Variants in FREM2 observed in about 807,000 individuals in gnomAD.
The protein encoded by FREM2 is FRAS1 related extracellular matrix 2.
FREM2 carries 119 observed loss-of-function variants against 219.9 expected under a neutral mutation model. The observed-to-expected ratio is 0.54, with a 90% CI of 0.47 to 0.63. The LOEUF (loss-of-function observed/expected upper bound fraction) is 0.63, where lower values mean the gene tolerates loss of function less well. Among genes scored for constraint, FREM2 ranks in the 30% least tolerant of loss-of-function variants. FREM2 has a pLI of 0.00. For synonymous variants in FREM2, 1,562 were observed against 1,522.8 expected (o/e 1.03, Z -0.60); for missense variants, 4,030 against 3,993.6 (o/e 1.01, Z -0.25).
intron 4 of FREM2, among the ~76,000 whole-genome samples, chr13:38,777,699 C>G (rs1873925725): frequency 6.6e-6 from 1 of 152,202 alleles, no homozygotes; most frequent in Non-Finnish European, 1.5e-5. Flanking sequence ...TCTATGCTTA[C>G]TTGAAGCAGC....
Position 38,881,013 on chromosome 13 carries a change from AC to A in FREM2, c.*227del, listed in dbSNP as rs546704381. On this transcript the variant is annotated 3_prime_UTR_variant, in exon 24 of 24. Transcript: ENST00000280481. Reference sequence around the variant, plus strand: ...CTTGCCCCAAAGGCAGCAACAACGTACTCATATGTACACAGAGCCATGATGT... The same window carrying A: ...CTTGCCCCAAAGGCAGCAACAACGTATCATATGTACACAGAGCCATGATGT... The A allele has an allele frequency of 4.2e-4, 255 of 605,458 alleles. No individual in the cohort carries two copies. In the African/African-American group the frequency reaches 4.3e-3, roughly 10 times the overall value. 37.5% of individuals were successfully genotyped at this position (605,458 alleles called of 1,614,324 possible). A position where few individuals can be genotyped will look rare whatever the true frequency, so the allele number is the denominator to read the frequency against.
intron 2 of FREM2, among the ~76,000 whole-genome samples, chr13:38,720,971 T>C (rs997179184): frequency 1.3e-5 from 2 of 152,082 alleles, no homozygotes; most frequent in African/African-American, 4.8e-5. Context: ...ATGAGTTTGA[T>C]GAAAAGAGAC....
At chr13:38,836,779 T>C (rs1467597886) in intron 6 of FREM2, among the ~76,000 whole-genome samples, 1 of 152,190 alleles carries the variant, frequency 6.6e-6, no homozygotes, top group Non-Finnish European at 1.5e-5. Context: ...TTCTGTGGGA[T>C]CAGTGGTGAT....
Position 38,690,553 on chromosome 13 carries a change from T to G in FREM2, c.3209T>G (p.Phe1070Cys). ...GTTGATAGCCAGGCCCCAGAAATCT[T>G]TGTAGGTGAACAGTTGATAGTAATG... ...LPVDSQAPEI[F>C]VGEQLIVMEG... Residue 1070 changes from phenylalanine to cysteine, a missense_variant, in exon 1 of 24, where the codon TTT (phenylalanine) becomes TGT (cysteine). Physicochemically the swap from Phe to Cys is radical, Grantham distance 205 (BLOSUM62 -2). Around this residue, in one of 2 missense-constraint regions of FREM2, gnomAD observed 3,102 missense variants for 2,950.7 expected, o/e 1.05. Coordinates refer to ENST00000280481, the MANE Select transcript of FREM2 (RefSeq NM_207361.6). 1.2e-6 allele frequency: 2 copies of G among 1,613,972 alleles called. No individual in the cohort carries two copies. Among genetic ancestry groups the G allele is most frequent in the Non-Finnish European group, 1.7e-6 (2 of 1,179,988 alleles).
intron 1 of FREM2, among the ~76,000 whole-genome samples, chr13:38,696,178 C>T (rs1870099707): frequency 6.6e-6 from 1 of 152,150 alleles, no homozygotes; most frequent in Non-Finnish European, 1.5e-5. Flanking sequence ...AATCAAGCGA[C>T]TTAGGCATGT....
chr13:38,849,505 C>CT (rs1254358996), intron 8 of FREM2, among the ~76,000 whole-genome samples: 3 of 152,206 alleles, frequency 2.0e-5, no homozygotes, highest in Non-Finnish European at 4.4e-5. Flanking sequence ...GCAGAGCTCT[C>CT]TGACACGTCA....
At chr13:38,733,211 C>G (rs532727982) in intron 2 of FREM2, among the ~76,000 whole-genome samples, 81 of 151,998 alleles carry the variant, frequency 5.3e-4, no homozygotes, top group African/African-American at 1.9e-3. Context: ...TTCTAAGAGG[C>G]ACTGAGGAGT....
intron 4 of FREM2, among the ~76,000 whole-genome samples, chr13:38,780,080 G>A (rs1374193649): frequency 6.6e-6 from 1 of 152,052 alleles, no homozygotes; most frequent in African/African-American, 2.4e-5. Context: ...CCATCAACAT[G>A]TTCAGTTTAG....
chr13:38,740,393 C>G (rs753034434), intron 2 of FREM2, among the ~76,000 whole-genome samples: 6 of 152,080 alleles, frequency 3.9e-5, no homozygotes, highest in Non-Finnish European at 5.9e-5. Flanking sequence ...CATCTTCAAA[C>G]AGTTCTTTAG....
intron 1 of FREM2, 110 bp from the exon 2 acceptor site, chr13:38,697,588 A>G: frequency 1.4e-6 from 1 of 717,392 alleles, no homozygotes; most frequent in Non-Finnish European, 2.5e-6. Context: ...TAGGAGGAAA[A>G]AGGAATTTAA....
chr13:38,797,257 C>A (rs902883406), intron 6 of FREM2, among the ~76,000 whole-genome samples: 1 of 151,944 alleles, frequency 6.6e-6, no homozygotes, highest in African/African-American at 2.4e-5. Flanking sequence ...CGCATCCTCA[C>A]CTGCTTCTGT....
chr13:38,754,880 G>T (rs183013207), intron 2 of FREM2, among the ~76,000 whole-genome samples: 1 of 82,606 alleles, frequency 1.2e-5, no homozygotes, highest in Non-Finnish European at 2.6e-5. Flanking sequence ...TGATGATGAT[G>T]ATGATGATGA....
chr13:38,693,897 C>T (rs1293083367), intron 1 of FREM2, among the ~76,000 whole-genome samples: 1 of 152,136 alleles, frequency 6.6e-6, no homozygotes, highest in East Asian at 1.9e-4. Flanking sequence ...TCATGCCAGA[C>T]CAGTAGGAAA....
At chr13:38,752,178 C>T (rs1274937763) in intron 2 of FREM2, among the ~76,000 whole-genome samples, 1 of 152,096 alleles carries the variant, frequency 6.6e-6, no homozygotes, top group Non-Finnish European at 1.5e-5. Context: ...TGTCTGTCTC[C>T]ACCACATTGT....
intron 6 of FREM2, among the ~76,000 whole-genome samples, chr13:38,798,877 T>G (rs181665375): frequency 5.2e-4 from 79 of 152,100 alleles, no homozygotes; most frequent in South Asian, 8.3e-4. Flanking sequence ...GGTTAGTATA[T>G]CTAGAGGTTT....
chr13:38,691,653 G>A lies in FREM2; in HGVS notation c.4309G>A (p.Val1437Ile), dbSNP rs1341655192. ...AGTGTCCTTGAAAGAAGGTGGCAAA[G>A]TCACTCTTACAACAGACCTACTAAG... ...KGVSLKEGGK[V>I]TLTTDLLSTS... is the part of the protein sequence containing the mutation. Residue 1437 changes from valine (V) to isoleucine (I), a missense_variant, in exon 1 of 24, where the codon GTC (valine) becomes ATC (isoleucine). Val to Ile is a conservative substitution (Grantham distance 29, BLOSUM62 3). Coordinates refer to ENST00000280481, the MANE Select transcript of FREM2 (RefSeq NM_207361.6). 1.2e-6 allele frequency: 2 copies of A among 1,614,140 alleles called. No homozygotes were observed. The highest frequency in any genetic ancestry group is 1.7e-6 in the Non-Finnish European group (2 of 1,180,026).
At chr13:38,782,657 C>A (rs931175129) in intron 4 of FREM2, among the ~76,000 whole-genome samples, 2 of 152,148 alleles carry the variant, frequency 1.3e-5, no homozygotes, top group Non-Finnish European at 2.9e-5. Context: ...TTCAACTATG[C>A]GAGCCTGAGT....
chr13:38,699,414 G>A (rs944455939), intron 2 of FREM2, among the ~76,000 whole-genome samples: 8 of 152,030 alleles, frequency 5.3e-5, no homozygotes, highest in Admixed American at 5.2e-4. Flanking sequence ...ACATTCTATA[G>A]TATCATATTT....
chr13:38,705,260 T>C (rs978930936), intron 2 of FREM2, among the ~76,000 whole-genome samples: 1 of 151,764 alleles, frequency 6.6e-6, no homozygotes, highest in Non-Finnish European at 1.5e-5. Flanking sequence ...TATTGATGAG[T>C]TGGAGTGTAG....
Sources: gnomAD v4.1 joint callset for allele counts (sites outside exome capture counted in the v4.1 genomes callset) on GRCh38, gnomAD v4.1.1 for gene constraint, gnomAD v4.1.1 regional missense constraint, MANE v1.5 for transcripts, NCBI Gene and HGNC (gene_info 2026-07-23, HGNC 2026-07-21) for gene names.